The following SEC16A variants were observed in gnomAD, a reference collection of about 807,000 sequenced individuals.
SEC16A encodes the protein protein transport protein Sec16A.
Under a neutral mutation model 221.9 loss-of-function variants are expected in SEC16A, and 110 were observed. The ratio of observed to expected loss-of-function variants is 0.50; its 90% CI spans 0.42 to 0.58. The LOEUF is 0.58. SEC16A is among the 20% of genes least tolerant of loss of function. The pLI, the probability that SEC16A is intolerant of heterozygous loss-of-function variation, is 0.00. For missense variants in SEC16A, 3,165 were observed against 3,097.8 expected (o/e 1.02, Z -0.52); for synonymous variants, 1,393 against 1,257.7 (o/e 1.11, Z -2.28).
rs981363759 is a variant in SEC16A, at chr9:136,467,094, G to A, written c.3803-11C>T. The A allele has an allele frequency of 5.0e-6, 8 of 1,613,414 alleles. No homozygotes were observed. The highest frequency in any genetic ancestry group is 4.4e-5 in the South Asian group (4 of 91,060). ...CCCAGTGACCTGGATCTGTGAGCAA[G>A]GAATTAATGATTAATACAGTAACAT... On this transcript the variant is annotated splice_polypyrimidine_tract_variant and intron_variant, in intron 5 of 31. Coordinates refer to ENST00000684901, the MANE Select transcript of SEC16A (RefSeq NM_014866.2).
rs1321421013 is a variant in SEC16A, at chr9:136,471,851, GAT to G, written c.3704+122_3704+123del. On this transcript the variant is annotated intron_variant, in intron 4 of 31. Transcript: ENST00000684901. ...ACCAAGAAAATGTCAACATATGTTA[GAT>G]AAGTTTGTACAATTCTTCAGAAATA... 19 of 1,167,968 alleles carry G rather than the reference GAT, an allele frequency of 1.6e-5. No individual in the cohort carries two copies. In the East Asian group the frequency reaches 4.3e-4, roughly 26 times the overall value. The allele number at this position is 1,167,968 out of a possible 1,614,324, so 72.4% of individuals were successfully genotyped here. A position where few individuals can be genotyped will look rare whatever the true frequency, so the allele number is the denominator to read the frequency against.
At position 136,477,607 on chromosome 9, in the gene SEC16A, T is replaced by C. The variant is rs7848218; in HGVS notation, c.9A>G (p.Pro3=). Reference sequence around the variant, plus strand: ...TGCCAGACGGGACCGTCTGGGGCGGTGGCTGCATGACTGAACCCTTGCACA... The same window carrying C: ...TGCCAGACGGGACCGTCTGGGGCGGCGGCTGCATGACTGAACCCTTGCACA... MQ[P]PPQTVPSGMA... The change falls in exon 3 of 32, where the codon CCA becomes CCG. Residue 3 remains proline, a synonymous_variant. Transcript: ENST00000684901. 6.2e-7 allele frequency: 1 copy of C among 1,607,058 alleles called. No homozygotes were observed.
rs1836184058 is a variant in SEC16A, at chr9:136,441,552, T to C, written c.*203A>G. The C allele has an allele frequency of 3.4e-6, 2 of 579,904 alleles. No homozygotes were observed. The highest frequency in any genetic ancestry group is 6.2e-6 in the Non-Finnish European group (2 of 321,832). 35.9% of individuals were successfully genotyped at this position (579,904 alleles called of 1,614,324 possible). On this transcript the variant is annotated 3_prime_UTR_variant, in exon 32 of 32. Transcript: ENST00000684901. ...CTGAGTCAAAGATTCAGTCTTTCCA[T>C]CCAGAATCTGAAAGGATGGTGGAAT...
At chr9:136,467,934 G>T (rs1434808630) in intron 5 of SEC16A, among the ~76,000 whole-genome samples, 1 of 152,198 alleles carries the variant, frequency 6.6e-6, no homozygotes, top group African/African-American at 2.4e-5. Context: ...GCTGGACGTC[G>T]CCAGGGAGCA....
At chr9:136,444,782 G>A (rs1376275830) in intron 30 of SEC16A, among the ~76,000 whole-genome samples, 1 of 150,282 alleles carries the variant, frequency 6.7e-6, no homozygotes, top group Non-Finnish European at 1.5e-5. Context: ...GGAAGGCCGA[G>A]ACAGGAGGAT....
intron 8 of SEC16A, 118 bp from the exon 9 acceptor site, chr9:136,464,680 C>A (rs1374633140): frequency 2.2e-6 from 2 of 913,752 alleles, no homozygotes; most frequent in Admixed American, 4.8e-5. Flanking sequence ...CGACAGACTT[C>A]CAACTCAAAA....
At chr9:136,441,940 C>G (rs1376662212) in intron 31 of SEC16A, 117 bp from the exon 32 acceptor site, 1 of 859,004 alleles carries the variant, frequency 1.2e-6, no homozygotes, top group Non-Finnish European at 1.9e-6. Context: ...TTGGCGCTGA[C>G]AAGCTGAAGG....
At chr9:136,453,380 G>C in intron 22 of SEC16A, 48 bp downstream of exon 22, 1 of 1,440,768 alleles carries the variant, frequency 6.9e-7, no homozygotes, top group Non-Finnish European at 9.8e-7. Flanking sequence ...GTGCCCACTC[G>C]ATGAACTTTA....
rs1478547206 is a variant in SEC16A, at chr9:136,459,963, G to A, written c.5073+79C>T. The stretch of plus-strand genomic sequence containing the variant: ...CAGCTGGGCTCACCAGGCACCTCAC[G>A]GCCTGTGACAGCGTCACCCACGAGC... On this transcript the variant is annotated intron_variant, in intron 14 of 31. Coordinates refer to ENST00000684901, the MANE Select transcript of SEC16A (RefSeq NM_014866.2). The surrounding 1 kb of genome is among the most constrained non-coding windows in gnomAD (Gnocchi z 6.1). 4.6e-6 allele frequency: 7 copies of A among 1,532,344 alleles called. No individual in the cohort carries two copies. Among genetic ancestry groups the A allele is most frequent in the African/African-American group, 4.1e-5 (3 of 72,954 alleles). 94.9% of individuals were successfully genotyped at this position (1,532,344 alleles called of 1,614,324 possible). A position where few individuals can be genotyped will look rare whatever the true frequency, so the allele number is the denominator to read the frequency against.
rs1588893547 is a variant in SEC16A at position 136,451,366 on chromosome 9, A to C, written c.6202T>G (p.Trp2068Gly). 6.2e-7 allele frequency: 1 copy of C among 1,612,710 alleles called. No individual in the cohort carries two copies. The highest frequency in any genetic ancestry group is 1.1e-5 in the South Asian group (1 of 90,976). Residue 2068 changes from tryptophan to glycine, a missense_variant, in exon 23 of 32, where the codon TGG (tryptophan) becomes GGG (glycine). Trp to Gly is a radical substitution (Grantham distance 184, BLOSUM62 -2). This residue lies in a region of SEC16A where 1,088 missense variants were observed against 1,089.6 expected (regional missense o/e 1.00). Coordinates refer to ENST00000684901, the MANE Select transcript of SEC16A (RefSeq NM_014866.2). Reference sequence around the variant, plus strand: ...GTGGGACCCGAGTCGGCACGATCCCACCCTGGGGGGGCCTCCGAGTCTGGC... The same window carrying C: ...GTGGGACCCGAGTCGGCACGATCCCCCCCTGGGGGGGCCTCCGAGTCTGGC... ...TVPDSEAPPG[W>G]DRADSGPTQP... is the part of the protein sequence containing the mutation.
chr9:136,451,302 T>C lies in SEC16A; in HGVS notation c.6266A>G (p.Lys2089Arg). 6.2e-7 allele frequency: 1 copy of C among 1,613,398 alleles called. No individual in the cohort carries two copies. The highest frequency in any genetic ancestry group is 1.1e-5 in the South Asian group (1 of 90,932). The change falls in exon 23 of 32, where the codon AAG becomes AGG. Residue 2089 changes from lysine (K) to arginine (R), a missense_variant. Lys to Arg is a conservative substitution (Grantham distance 26). This residue lies in a region of SEC16A where 1,088 missense variants were observed against 1,089.6 expected (regional missense o/e 1.00). Coordinates refer to ENST00000684901, the MANE Select transcript of SEC16A (RefSeq NM_014866.2). Reference protein sequence around the residue: ...PLSLSPAPETKRPGQAAKKET... With the variant: ...PLSLSPAPETRRPGQAAKKET... Reference sequence around the variant, plus strand: ...TTTCTTGGCTGCCTGTCCGGGTCTCTTTGTTTCGGGAGCGGGTGAGAGAGA... The same window carrying C: ...TTTCTTGGCTGCCTGTCCGGGTCTCCTTGTTTCGGGAGCGGGTGAGAGAGA...
chr9:136,463,057 T>C lies in SEC16A; in HGVS notation c.4723A>G (p.Asn1575Asp). Residue 1575 changes from asparagine to aspartate, a missense_variant, in exon 12 of 32, where the codon AAT becomes GAT. Physicochemically the swap from Asn to Asp is conservative, Grantham distance 23. This residue lies in a region of SEC16A where 1,088 missense variants were observed against 1,089.6 expected (regional missense o/e 1.00). Transcript: ENST00000684901. Reference protein sequence around the residue: ...RTVWLPGKSPNEANLIDFTNE... With the variant: ...RTVWLPGKSPDEANLIDFTNE... ...GTGAAATCAATCAGGTTTGCTTCAT[T>C]GGGCGACTTCCCAGGAAGCCACACT... 1 of 1,612,692 alleles carries C rather than the reference T, an allele frequency of 6.2e-7. No individual in the cohort carries two copies. The highest frequency in any genetic ancestry group is 8.5e-7 in the Non-Finnish European group (1 of 1,179,886).
At position 136,477,042 on chromosome 9, in the gene SEC16A, G is replaced by A. The variant is rs1841740011; in HGVS notation, c.574C>T (p.His192Tyr). The change falls in exon 3 of 32, where the codon CAT becomes TAT. Residue 192 changes from histidine (H) to tyrosine (Y), a missense_variant. His to Tyr is a moderately conservative substitution (Grantham distance 83). Transcript: ENST00000684901. ...LDRPLSRQNPHDGVVTPAASP... is the reference protein window; with the variant it reads ...LDRPLSRQNPYDGVVTPAASP... ...GCTGCTGGGGTGACCACACCGTCAT[G>A]TGGGTTTTGCCTGCTCAGGGGTCGG... 1 of 1,613,800 alleles carries A rather than the reference G, an allele frequency of 6.2e-7. No homozygotes were observed. The highest frequency in any genetic ancestry group is 8.5e-7 in the Non-Finnish European group (1 of 1,179,896).
rs1836045205 is a variant in SEC16A, at chr9:136,440,250, G to A, written c.*1505C>T. The A allele has an allele frequency of 6.6e-6, 1 of 152,392 alleles. No homozygotes were observed. Among genetic ancestry groups the A allele is most frequent in the Non-Finnish European group, 1.5e-5 (1 of 68,056 alleles). The allele number at this position is 152,392 out of a possible 1,614,324, so 9.4% of individuals were successfully genotyped here. On this transcript the variant is annotated 3_prime_UTR_variant, in exon 32 of 32. Transcript: ENST00000684901. Reference sequence around the variant, plus strand: ...GAACAGCGGGCAGAGCCGACCGGAAGAGGTCCCAGGATTCACACGAGCTGA... The same window carrying A: ...GAACAGCGGGCAGAGCCGACCGGAAAAGGTCCCAGGATTCACACGAGCTGA...
chr9:136,448,858 G>A (rs1837403845), intron 23 of SEC16A: 1 of 712,752 alleles, frequency 1.4e-6, no homozygotes, highest in Non-Finnish European at 2.6e-6. Flanking sequence ...GAGGATGGAG[G>A]TGGGAGGGAA....
chr9:136,453,549 G>A (rs565976005), intron 21 of SEC16A, 39 bp from the exon 22 acceptor site: 52 of 1,532,988 alleles, frequency 3.4e-5, no homozygotes, highest in Admixed American at 5.0e-5. Context: ...TCTCAGTCAC[G>A]AGAAGGCGGG....
At chr9:136,463,328 G>T in intron 11 of SEC16A, 135 bp downstream of exon 11, 1 of 1,290,662 alleles carries the variant, frequency 7.7e-7, no homozygotes, top group Non-Finnish European at 1.1e-6. Context: ...ACTACAGTGT[G>T]CTTCCTAAGG....
rs1340209321 is a variant in SEC16A, at chr9:136,464,507, C to T, written c.4359G>A (p.Arg1453=). The change falls in exon 9 of 32, where the codon AGG becomes AGA. Residue 1453 remains arginine, a synonymous_variant. Coordinates refer to ENST00000684901, the MANE Select transcript of SEC16A (RefSeq NM_014866.2). The part of the protein sequence containing the change: ...EKFSVPHVCA[R]FGPGGQLIKV... ...TGATAAGCTGACCGCCAGGGCCAAA[C>T]CTGGCACAGACATGAGGCACTGAAA... 1 of 1,612,420 alleles carries T rather than the reference C, an allele frequency of 6.2e-7. No individual in the cohort carries two copies. Among genetic ancestry groups the T allele is most frequent in the Non-Finnish European group, 8.5e-7 (1 of 1,178,576 alleles).
At chr9:136,445,138 A>T (rs1353014716) in intron 29 of SEC16A, 27 bp from the exon 30 acceptor site, 1 of 1,585,548 alleles carries the variant, frequency 6.3e-7, no homozygotes, top group African/African-American at 1.3e-5. Context: ...ACACACATAA[A>T]ACACGGACGA....
Sources: gnomAD v4.1 joint callset for allele counts (sites outside exome capture counted in the v4.1 genomes callset) on GRCh38, gnomAD v4.1.1 for gene constraint, gnomAD v4.1.1 regional missense constraint, Gnocchi (gnomAD v3.1) non-coding constraint, MANE v1.5 for transcripts, NCBI Gene and HGNC (gene_info 2026-07-23, HGNC 2026-07-21) for gene names.